ADGRL3: variants seen among roughly 807,000 people sequenced by gnomAD.
The protein encoded by ADGRL3 is calcium-independent alpha-latrotoxin receptor 3.
In ADGRL3, 62 loss-of-function variants were observed where a neutral mutation model predicts 153.5. The ratio of observed to expected loss-of-function variants is 0.40; its 90% CI spans 0.33 to 0.50. The LOEUF is 0.50. ADGRL3 is among the 20% of genes least tolerant of loss of function. ADGRL3 has a pLI of 0.47. For synonymous variants in ADGRL3, 710 were observed against 672.5 expected, an observed-to-expected ratio of 1.06 and a Z score of -0.86; for missense variants, 1,641 against 1,859.4, an observed-to-expected ratio of 0.88 and a Z score of 2.16.
rs192208782 is a variant in ADGRL3 at position 61,930,500 on chromosome 4, T to C, written c.2113-4340T>C. ...CAGTTTTTCCCAAAGGTTTTTGCAGTAGTTATAACAAATAAACTCTGTATT... is the reference window on the plus strand; with the variant it reads ...CAGTTTTTCCCAAAGGTTTTTGCAGCAGTTATAACAAATAAACTCTGTATT... On this transcript the variant is annotated intron_variant, in intron 13 of 26. Transcript: ENST00000683033. Among the ~76,000 whole-genome samples, 43 of 152,312 alleles carry C rather than the reference T, an allele frequency of 2.8e-4. 2 individuals are homozygous for C. Among genetic ancestry groups the C allele is most frequent in the African/African-American group, 9.9e-4 (41 of 41,574 alleles).
intron 2 of ADGRL3, among the ~76,000 whole-genome samples, chr4:61,408,380 G>A (rs1248859638): frequency 6.6e-6 from 1 of 150,582 alleles, no homozygotes; most frequent in Non-Finnish European, 1.5e-5. Flanking sequence ...CTGCACCTGG[G>A]TATTTGCAGC....
Position 62,031,429 on chromosome 4 carries a change from C to T in ADGRL3, c.3423-13C>T. 1.9e-6 allele frequency: 3 copies of T among 1,567,116 alleles called. No individual in the cohort carries two copies. Among genetic ancestry groups the T allele is most frequent in the Non-Finnish European group, 2.6e-6 (3 of 1,155,090 alleles). On this transcript the variant is annotated splice_polypyrimidine_tract_variant and intron_variant, in intron 22 of 26. Coordinates refer to ENST00000683033, the MANE Select transcript of ADGRL3 (RefSeq NM_001387552.1). ...ATTATTTAATAACCCTTAATTTTCT[C>T]TTCTCTCTACAGGTCATGGGTTATA...
At chr4:61,582,546 C>T (rs933172633) in intron 4 of ADGRL3, among the ~76,000 whole-genome samples, 1 of 151,712 alleles carries the variant, frequency 6.6e-6, no homozygotes, top group Non-Finnish European at 1.5e-5. Context: ...GCATAGTATT[C>T]TGTGGTGTAT....
At chr4:61,915,637 G>A (rs2098741804) in intron 13 of ADGRL3, among the ~76,000 whole-genome samples, 1 of 152,080 alleles carries the variant, frequency 6.6e-6, no homozygotes, top group African/African-American at 2.4e-5. Context: ...CATCTTATAA[G>A]ACCAAATACA....
At chr4:61,703,735 T>TA (rs1430230306) in intron 6 of ADGRL3, among the ~76,000 whole-genome samples, 2 of 151,942 alleles carry the variant, frequency 1.3e-5, no homozygotes, top group Admixed American at 6.6e-5. Context: ...GAAAACTGAC[T>TA]AAAAAAAGAC....
chr4:61,826,344 G>C (rs1018496046), intron 9 of ADGRL3, among the ~76,000 whole-genome samples: 3 of 152,156 alleles, frequency 2.0e-5, no homozygotes, highest in African/African-American at 7.2e-5. Flanking sequence ...TACTCACTAA[G>C]CAAAACTAAG....
intron 3 of ADGRL3, among the ~76,000 whole-genome samples, chr4:61,506,743 T>C (rs1330142486): frequency 6.6e-6 from 1 of 152,092 alleles, no homozygotes; most frequent in East Asian, 1.9e-4. Flanking sequence ...TGACCTAAAT[T>C]AGAGAAATCA....
intron 5 of ADGRL3, among the ~76,000 whole-genome samples, chr4:61,610,595 ATT>A (rs1176406712): frequency 6.6e-6 from 1 of 152,132 alleles, no homozygotes; most frequent in Non-Finnish European, 1.5e-5. Flanking sequence ...TCAAAATATA[ATT>A]TCATTGAATT....
chr4:61,577,864 A>G (rs187834946), intron 4 of ADGRL3, among the ~76,000 whole-genome samples: 1 of 152,102 alleles, frequency 6.6e-6, no homozygotes, highest in East Asian at 1.9e-4. Context: ...AATGAATGTC[A>G]CATTTTAAAG....
intron 8 of ADGRL3, among the ~76,000 whole-genome samples, chr4:61,788,637 C>G (rs377555713): frequency 6.6e-6 from 1 of 152,176 alleles, no homozygotes; most frequent in Non-Finnish European, 1.5e-5. Flanking sequence ...TTCTTTAACA[C>G]CCCCAAAAGA....
chr4:61,365,421 G>A (rs1178258279), intron 1 of ADGRL3, among the ~76,000 whole-genome samples: 1 of 152,328 alleles, frequency 6.6e-6, no homozygotes, highest in Admixed American at 6.5e-5. Context: ...TGATGTTCAA[G>A]AGCATTTGGG....
chr4:61,991,667 T>TTGCAAAGCAAAAAAA (rs1384455399), intron 19 of ADGRL3, among the ~76,000 whole-genome samples: 2 of 151,864 alleles, frequency 1.3e-5, no homozygotes, highest in Non-Finnish European at 2.9e-5. Context: ...ATTCATGCAC[T>TTGCAAAGCAAAAAAA]TGCTTGCAAA....
chr4:62,018,633 C>T (rs1311634760), intron 21 of ADGRL3, among the ~76,000 whole-genome samples: 1 of 152,088 alleles, frequency 6.6e-6, no homozygotes, highest in South Asian at 2.1e-4. Context: ...TTCTTGAGTG[C>T]GAAGGTGGCA....
chr4:61,373,033 A>G (rs1248183360), intron 1 of ADGRL3, among the ~76,000 whole-genome samples: 1 of 151,956 alleles, frequency 6.6e-6, no homozygotes, highest in African/African-American at 2.4e-5. Context: ...AGGAAAGGGA[A>G]CTCCCTGACC....
chr4:61,507,831 T>C (rs1232751742), intron 3 of ADGRL3, among the ~76,000 whole-genome samples: 1 of 152,166 alleles, frequency 6.6e-6, no homozygotes, highest in African/African-American at 2.4e-5. Flanking sequence ...ATGTGGATCA[T>C]TTTTGCTCAT....
intron 6 of ADGRL3, among the ~76,000 whole-genome samples, chr4:61,689,006 G>A (rs1430337788): frequency 6.6e-6 from 1 of 152,100 alleles, no homozygotes; most frequent in Non-Finnish European, 1.5e-5. Context: ...TGTGGCCCAG[G>A]CTGCAGTGCA....
At chr4:61,608,717 TAG>T (rs1254672315) in intron 5 of ADGRL3, among the ~76,000 whole-genome samples, 1 of 152,334 alleles carries the variant, frequency 6.6e-6, no homozygotes, top group East Asian at 1.9e-4. Context: ...TATAAGGTCA[TAG>T]ACACATGGAA....
chr4:61,685,467 A>G (rs2095425347), intron 6 of ADGRL3, among the ~76,000 whole-genome samples: 1 of 152,136 alleles, frequency 6.6e-6, no homozygotes, highest in African/African-American at 2.4e-5. Flanking sequence ...TATGATAAAG[A>G]ACAATGAAGG....
At chr4:61,273,064 G>C (rs1212951428) in intron 1 of ADGRL3, among the ~76,000 whole-genome samples, 1 of 152,132 alleles carries the variant, frequency 6.6e-6, no homozygotes, top group Non-Finnish European at 1.5e-5. Context: ...AGGTAGGATT[G>C]TTGTGAGACT....
Sources: gnomAD v4.1 joint callset for allele counts (sites outside exome capture counted in the v4.1 genomes callset) on GRCh38, gnomAD v4.1.1 for gene constraint, MANE v1.5 for transcripts, NCBI Gene and HGNC (gene_info 2026-07-23, HGNC 2026-07-21) for gene names.